ANKRD11: variants seen among roughly 807,000 people sequenced by gnomAD.
The protein encoded by ANKRD11 is ankyrin repeat domain 11.
In ANKRD11, 17 loss-of-function variants were observed where a neutral mutation model predicts 195.7. The ratio of observed to expected loss-of-function variants is 0.09; its 90% CI spans 0.06 to 0.13. ANKRD11 has a LOEUF of 0.13. Ranked by LOEUF, ANKRD11 falls within the 10% of genes least tolerant of loss-of-function variation. ANKRD11 has a pLI of 1.00. For missense variants in ANKRD11, 3,735 were observed against 3,566.1 expected, an observed-to-expected ratio of 1.05 and a Z score of -1.21; for synonymous variants, 1,953 against 1,528.1, an observed-to-expected ratio of 1.28 and a Z score of -6.49.
rs549977029 is a variant in ANKRD11, at chr16:89,317,098, C to T, written c.-59-20G>A. 2 of 1,457,318 alleles carry T rather than the reference C, an allele frequency of 1.4e-6. No homozygotes were observed. Among genetic ancestry groups the T allele is most frequent in the South Asian group, 2.4e-5 (2 of 83,112 alleles). 90.3% of individuals were successfully genotyped at this position (1,457,318 alleles called of 1,614,324 possible). ...CGTCTGCTTCAAAAGAGAAGACACA[C>T]AATTCACTGAATTCAGAGGCAGCTC... On this transcript the variant is annotated intron_variant, in intron 2 of 12. Transcript: ENST00000301030.
intron 2 of ANKRD11, among the ~76,000 whole-genome samples, chr16:89,395,418 T>A (rs1488259549): frequency 6.6e-6 from 1 of 152,130 alleles, no homozygotes. Flanking sequence ...CATGCAAAGA[T>A]CAAAGAGAGG....
At chr16:89,331,612 G>A (rs1034625732) in intron 2 of ANKRD11, among the ~76,000 whole-genome samples, 2 of 152,032 alleles carry the variant, frequency 1.3e-5, no homozygotes, top group South Asian at 2.1e-4. Flanking sequence ...AGCGATTCAG[G>A]AGATAGAGAT....
chr16:89,369,664 AG>A (rs1233556888), intron 2 of ANKRD11, among the ~76,000 whole-genome samples: 1 of 152,188 alleles, frequency 6.6e-6, no homozygotes, highest in Admixed American at 6.5e-5. Context: ...TGGTGACGCA[AG>A]GGTTTTAAGG....
intron 1 of ANKRD11, among the ~76,000 whole-genome samples, chr16:89,454,643 C>T (rs1335975757): frequency 6.7e-6 from 1 of 149,374 alleles, no homozygotes; most frequent in African/African-American, 2.5e-5. Context: ...AAGCTGCTCC[C>T]CTGGGTGCTT....
At chr16:89,289,999 C>T (rs1382062584) in intron 6 of ANKRD11, among the ~76,000 whole-genome samples, 2 of 152,254 alleles carry the variant, frequency 1.3e-5, no homozygotes, top group East Asian at 1.9e-4. Flanking sequence ...CACTGCACTC[C>T]AGCCTGAGCA....
chr16:89,274,708 G>A, intron 11 of ANKRD11, 106 bp downstream of exon 11: 2 of 1,529,138 alleles, frequency 1.3e-6, no homozygotes, highest in South Asian at 2.2e-5. Flanking sequence ...AAGGTGCTGA[G>A]CACCCGGGAA....
chr16:89,310,207 T>G (rs1429532095), intron 3 of ANKRD11, among the ~76,000 whole-genome samples: 1 of 152,142 alleles, frequency 6.6e-6, no homozygotes, highest in Non-Finnish European at 1.5e-5. Flanking sequence ...ACTGTCTATG[T>G]GCGGGGTCCG....
chr16:89,469,869 T>C (rs2057016272), intron 1 of ANKRD11, among the ~76,000 whole-genome samples: 1 of 148,242 alleles, frequency 6.7e-6, no homozygotes, highest in African/African-American at 2.5e-5. Flanking sequence ...GGAGACAGAG[T>C]GAGGCTCCGT....
intron 2 of ANKRD11, among the ~76,000 whole-genome samples, chr16:89,341,328 C>A (rs2038648115): frequency 6.6e-6 from 1 of 152,138 alleles, no homozygotes; most frequent in Admixed American, 6.5e-5. Context: ...ATTAATCAGG[C>A]AATCAAACCA....
intron 7 of ANKRD11, chr16:89,287,053 G>A: frequency 7.8e-7 from 1 of 1,289,806 alleles, no homozygotes; most frequent in Non-Finnish European, 1.0e-6. Context: ...GCTTACAATT[G>A]TGGAGGTCAG....
chr16:89,365,071 A>C (rs1235878910), intron 2 of ANKRD11, among the ~76,000 whole-genome samples: 1 of 152,206 alleles, frequency 6.6e-6, no homozygotes, highest in Non-Finnish European at 1.5e-5. Flanking sequence ...AAAATAATCA[A>C]GATTTAATAA....
Position 89,484,589 on chromosome 16 carries a change from G to A in ANKRD11, c.-145+5656C>T, listed in dbSNP as rs544918374. 1.4e-4 allele frequency among the ~76,000 whole-genome samples: 21 copies of A among 152,082 alleles called. 1 individual carries two copies. In the South Asian group the frequency reaches 4.2e-3, roughly 30 times the overall value. On this transcript the variant is annotated intron_variant, in intron 1 of 12. Transcript: ENST00000301030. ...AAAGAGCCATAGGGAGTCGAGGAAG[G>A]GCAACTTACTATCAATGCACCAAGA...
intron 2 of ANKRD11, among the ~76,000 whole-genome samples, chr16:89,399,985 G>C (rs1046101545): frequency 6.6e-6 from 1 of 151,038 alleles, no homozygotes; most frequent in Non-Finnish European, 1.5e-5. Context: ...GGCTTCCTGC[G>C]CTGGGGGCCG....
chr16:89,314,742 G>C (rs979257027), intron 3 of ANKRD11, among the ~76,000 whole-genome samples: 3 of 152,154 alleles, frequency 2.0e-5, no homozygotes, highest in Non-Finnish European at 4.4e-5. Flanking sequence ...CAGAGAACAG[G>C]AGTGACAGGT....
intron 2 of ANKRD11, among the ~76,000 whole-genome samples, chr16:89,381,590 C>T (rs972802773): frequency 2.0e-5 from 3 of 152,182 alleles, no homozygotes; most frequent in Admixed American, 2.0e-4. Context: ...TGCGATGATA[C>T]GCTTTCCAAC....
chr16:89,316,890 C>G, intron 3 of ANKRD11, 43 bp downstream of exon 3: 1 of 1,598,384 alleles, frequency 6.3e-7, no homozygotes, highest in Non-Finnish European at 8.5e-7. Context: ...TCATCCCCAT[C>G]TGGGTGCGGT....
At chr16:89,480,724 T>A (rs765275746) in intron 1 of ANKRD11, among the ~76,000 whole-genome samples, 5 of 152,068 alleles carry the variant, frequency 3.3e-5, no homozygotes, top group Non-Finnish European at 5.9e-5. Flanking sequence ...TTGGCCCACA[T>A]TTTACACTGT....
At chr16:89,305,395 A>G in intron 3 of ANKRD11, 51 bp from the exon 4 acceptor site, 1 of 1,612,368 alleles carries the variant, frequency 6.2e-7, no homozygotes, top group African/African-American at 1.3e-5. Context: ...TACATTCTCA[A>G]GCTCTCAAGA....
intron 2 of ANKRD11, among the ~76,000 whole-genome samples, chr16:89,379,181 G>A (rs1436042115): frequency 6.6e-6 from 1 of 152,248 alleles, no homozygotes. Context: ...GCCATTCTGG[G>A]AGCTGCTGGC....
Sources: allele counts gnomAD v4.1 joint callset (sites outside exome capture counted in the v4.1 genomes callset), GRCh38; gene constraint gnomAD v4.1.1; transcripts MANE v1.5; gene names NCBI Gene and HGNC (gene_info 2026-07-23, HGNC 2026-07-21).